Variants in TSHZ2 observed in about 807,000 individuals in gnomAD.
TSHZ2 encodes teashirt homolog 2.
Under a neutral mutation model 74.4 loss-of-function variants are expected in TSHZ2, and 21 were observed. The observed-to-expected ratio is 0.28, with a 90% CI of 0.20 to 0.41. The LOEUF (loss-of-function observed/expected upper bound fraction) is 0.41. Ranked by LOEUF, TSHZ2 falls within the 10% of genes least tolerant of loss-of-function variation. The pLI, the probability that TSHZ2 is intolerant of heterozygous loss-of-function variation, is 1.00. For missense variants in TSHZ2, 1,244 were observed against 1,293.5 expected, an observed-to-expected ratio of 0.96 and a Z score of 0.59; for synonymous variants, 540 against 515.3, an observed-to-expected ratio of 1.05 and a Z score of -0.65.
chr20:53,036,482 CAT>C (rs1048416350), intron 1 of TSHZ2, among the ~76,000 whole-genome samples: 6 of 150,970 alleles, frequency 4.0e-5, no homozygotes, highest in Non-Finnish European at 7.4e-5. Context: ...AATAGAAACA[CAT>C]ATACATACAC....
chr20:53,232,679 A>G (rs1180705072), intron 1 of TSHZ2, among the ~76,000 whole-genome samples: 1 of 152,192 alleles, frequency 6.6e-6, no homozygotes, highest in African/African-American at 2.4e-5. Flanking sequence ...GCAATTAGTT[A>G]CTATGGCACC....
intron 1 of TSHZ2, among the ~76,000 whole-genome samples, chr20:52,989,852 A>AT (rs951365460): frequency 6.6e-6 from 1 of 151,258 alleles, no homozygotes; most frequent in Non-Finnish European, 1.5e-5. Flanking sequence ...ATATTTTGTA[A>AT]TTTTTTTTCC....
chr20:53,420,434 A>G (rs887313162), intron 2 of TSHZ2, among the ~76,000 whole-genome samples: 1 of 152,176 alleles, frequency 6.6e-6, no homozygotes, highest in African/African-American at 2.4e-5. Flanking sequence ...TAAGACATTC[A>G]TTGAAAAAAA....
intron 2 of TSHZ2, among the ~76,000 whole-genome samples, chr20:53,328,910 T>C (rs1979603250): frequency 6.6e-6 from 1 of 152,228 alleles, no homozygotes; most frequent in Non-Finnish European, 1.5e-5. Context: ...AGAAATGTTA[T>C]ATCCACCAGT....
At chr20:53,486,644 C>T (rs1198931780) in intron 2 of TSHZ2, among the ~76,000 whole-genome samples, 1 of 152,032 alleles carries the variant, frequency 6.6e-6, no homozygotes, top group African/African-American at 2.4e-5. Context: ...GATGCCACTG[C>T]ACAAGTATAG....
chr20:53,240,772 T>TA (rs1241728627), intron 1 of TSHZ2, among the ~76,000 whole-genome samples: 1 of 150,998 alleles, frequency 6.6e-6, no homozygotes, highest in Admixed American at 6.6e-5. Context: ...GATAGATAGA[T>TA]ATGGTTTTTT....
chr20:53,075,123 C>G (rs1985325420), intron 1 of TSHZ2, among the ~76,000 whole-genome samples: 1 of 152,234 alleles, frequency 6.6e-6, no homozygotes, highest in African/African-American at 2.4e-5. Context: ...CAAAAGATTT[C>G]TATCCCAACG....
chr20:53,085,388 GAGAA>G (rs755135341), intron 1 of TSHZ2, among the ~76,000 whole-genome samples: 24 of 152,012 alleles, frequency 1.6e-4, no homozygotes, highest in Non-Finnish European at 2.9e-4. Flanking sequence ...GAGAGAGAGA[GAGAA>G]AGAAAGAAAG....
intron 2 of TSHZ2, among the ~76,000 whole-genome samples, chr20:53,466,344 T>C (rs368393191): frequency 7.4e-4 from 112 of 152,250 alleles, no homozygotes; most frequent in African/African-American, 2.3e-3. Context: ...ACCGTTCTTA[T>C]TAAATGCCAG....
intron 1 of TSHZ2, among the ~76,000 whole-genome samples, chr20:53,127,885 C>T (rs1020789724): frequency 3.9e-5 from 6 of 152,168 alleles, no homozygotes; most frequent in African/African-American, 1.2e-4. Context: ...CACAGATGAG[C>T]CAGGGTGCCC....
chr20:53,247,632 A>G (rs1311596500), intron 1 of TSHZ2, among the ~76,000 whole-genome samples: 1 of 152,132 alleles, frequency 6.6e-6, no homozygotes, highest in Non-Finnish European at 1.5e-5. Context: ...CATTTTTTGT[A>G]CCTACTGGGT....
At chr20:53,470,760 C>T (rs759506377) in intron 2 of TSHZ2, among the ~76,000 whole-genome samples, 18 of 151,964 alleles carry the variant, frequency 1.2e-4, no homozygotes, top group Admixed American at 5.9e-4. Context: ...TTGCAGTGAG[C>T]GGAGATTGCG....
chr20:53,290,230 G>A (rs1991254188), intron 2 of TSHZ2, among the ~76,000 whole-genome samples: 1 of 151,308 alleles, frequency 6.6e-6, no homozygotes, highest in African/African-American at 2.4e-5. Flanking sequence ...CCTACCCCAA[G>A]CCCCCACCCT....
At chr20:53,269,266 A>G (rs1016040335) in intron 2 of TSHZ2, among the ~76,000 whole-genome samples, 2 of 151,966 alleles carry the variant, frequency 1.3e-5, no homozygotes, top group African/African-American at 2.4e-5. Flanking sequence ...CTTAAGGTTT[A>G]AATTAAGATG....
rs1600770955 is a variant in TSHZ2, at chr20:53,255,211, A to T, written c.1753A>T (p.Met585Leu). The T allele has an allele frequency of 1.2e-6, 2 of 1,614,176 alleles. No homozygotes were observed. The highest frequency in any genetic ancestry group is 1.7e-6 in the Non-Finnish European group (2 of 1,180,036). Reference protein sequence around the residue: ...LRPIAPKWKVMPLVSMPTHLA... With the variant: ...LRPIAPKWKVLPLVSMPTHLA... ...GCCCATTGCACCAAAGTGGAAAGTG[A>T]TGCCACTGGTTTCTATGCCCACACA... The change falls in exon 2 of 3, where the codon ATG (methionine) becomes TTG (leucine). Residue 585 changes from methionine (M) to leucine (L), a missense_variant. Coordinates refer to ENST00000371497, the MANE Select transcript of TSHZ2 (RefSeq NM_173485.6). The surrounding 1 kb of genome is among the most constrained non-coding windows in gnomAD (Gnocchi z 4.1).
At chr20:53,241,543 T>C (rs1990071297) in intron 1 of TSHZ2, among the ~76,000 whole-genome samples, 1 of 152,154 alleles carries the variant, frequency 6.6e-6, no homozygotes, top group Non-Finnish European at 1.5e-5. Flanking sequence ...GAGAATAATG[T>C]TAGGAGCCTG....
chr20:53,325,089 T>A (rs1288655063), intron 2 of TSHZ2, among the ~76,000 whole-genome samples: 1 of 152,212 alleles, frequency 6.6e-6, no homozygotes, highest in African/African-American at 2.4e-5. Flanking sequence ...GGTTAAACTG[T>A]CTTACGAACA....
intron 2 of TSHZ2, among the ~76,000 whole-genome samples, chr20:53,436,539 A>ATTTTTT (rs1368192791): frequency 2.0e-4 from 18 of 89,988 alleles, no homozygotes; most frequent in Non-Finnish European, 2.6e-4. Flanking sequence ...TATTATTATT[A>ATTTTTT]TTATTATTAT....
chr20:53,087,606 G>C (rs1985736814), intron 1 of TSHZ2, among the ~76,000 whole-genome samples: 1 of 152,202 alleles, frequency 6.6e-6, no homozygotes, highest in Non-Finnish European at 1.5e-5. Flanking sequence ...TCTGTTAAAA[G>C]AAGGATCAGA....
Sources: gnomAD v4.1 joint callset for allele counts (sites outside exome capture counted in the v4.1 genomes callset) on GRCh38, gnomAD v4.1.1 for gene constraint, Gnocchi (gnomAD v3.1) non-coding constraint, MANE v1.5 for transcripts, NCBI Gene and HGNC (gene_info 2026-07-23, HGNC 2026-07-21) for gene names.